LYST: variants seen among roughly 807,000 people sequenced by gnomAD.
The protein encoded by LYST is lysosomal trafficking regulator, also known as lysosomal-trafficking regulator.
Under a neutral mutation model 413.6 loss-of-function variants are expected in LYST, and 192 were observed. The observed-to-expected ratio is 0.46, with a 90% CI of 0.41 to 0.52. The LOEUF is 0.52. Among genes scored for constraint, LYST ranks in the 20% least tolerant of loss-of-function variants. The pLI, the probability that LYST is intolerant of heterozygous loss-of-function variation, is 0.00. For missense variants in LYST, 3,815 were observed against 4,499.9 expected, an observed-to-expected ratio of 0.85 and a Z score of 4.35; for synonymous variants, 1,525 against 1,567.3, an observed-to-expected ratio of 0.97 and a Z score of 0.64.
rs1558194943 is a variant in LYST, at chr1:235,755,641, C to G, written c.7066G>C (p.Asp2356His). 2.5e-6 allele frequency: 4 copies of G among 1,595,410 alleles called. No homozygotes were observed. The highest frequency in any genetic ancestry group is 3.4e-6 in the Non-Finnish European group (4 of 1,163,606). The part of the protein sequence containing the change: ...AIQQGVIKLL[D>H]AYFARASKEQ... ...TTAGATGCTCTAGCAAAATATGCAT[C>G]TAATAGCTAAACAAAAAATTTAAGT... Residue 2356 changes from aspartate to histidine, a missense_variant, in exon 25 of 53, where the codon GAT becomes CAT. Around this residue, in one of 4 missense-constraint regions of LYST, gnomAD observed 771 missense variants for 837.1 expected, o/e 0.92. Transcript: ENST00000389793.
At chr1:235,794,865 A>G (rs2103542224) in intron 10 of LYST, among the ~76,000 whole-genome samples, 1 of 152,268 alleles carries the variant, frequency 6.6e-6, no homozygotes, top group East Asian at 1.9e-4. Flanking sequence ...TTCAAAACTG[A>G]GAGGTTCCAG....
At chr1:235,703,013 T>C (rs1195090121) in intron 44 of LYST, 36 bp from the exon 45 acceptor site, 7 of 1,416,790 alleles carry the variant, frequency 4.9e-6, no homozygotes, top group Non-Finnish European at 6.0e-6. Context: ...AAGACATATG[T>C]AGTAAAAAGA....
chr1:235,715,309 G>C lies in LYST; in HGVS notation c.9676C>G (p.Pro3226Ala), dbSNP rs1462249373. 4 of 1,613,854 alleles carry C rather than the reference G, an allele frequency of 2.5e-6. No homozygotes were observed. The highest frequency in any genetic ancestry group is 3.4e-6 in the Non-Finnish European group (4 of 1,179,908). The change falls in exon 42 of 53, where the codon CCT (proline) becomes GCT (alanine). Residue 3226 changes from proline to alanine, a missense_variant. Transcript: ENST00000389793. ...RKGAREDDPM[P>A]PVQPYHYGSH... is the part of the protein sequence containing the mutation. ...CCATAGTGATAGGGCTGCACGGGAG[G>C]CATGGGGTCATCTTCTCTGGCTCCT...
chr1:235,750,880 G>A lies in LYST; in HGVS notation c.7780+330C>T, dbSNP rs146235631. Among the ~76,000 whole-genome samples the A allele has an allele frequency of 3.7e-4, 56 of 152,268 alleles. 1 individual carries two copies. Among genetic ancestry groups the A allele is most frequent in the South Asian group, 2.5e-3 (12 of 4,826 alleles). Reference sequence around the variant, plus strand: ...CTCAGAGACTTCCCTAACTCCTGATGTAGATTGCCCTGTTATAATCTCTAT... The same window carrying A: ...CTCAGAGACTTCCCTAACTCCTGATATAGATTGCCCTGTTATAATCTCTAT... On this transcript the variant is annotated intron_variant, in intron 28 of 52. Coordinates refer to ENST00000389793, the MANE Select transcript of LYST (RefSeq NM_000081.4).
At chr1:235,828,631 C>T (rs1675594825) in intron 3 of LYST, 1 of 313,752 alleles carries the variant, frequency 3.2e-6, no homozygotes. Flanking sequence ...TGCAGAAGTA[C>T]TGTACATATT....
chr1:235,881,150 A>G (rs1403715995), intron 1 of LYST, among the ~76,000 whole-genome samples: 1 of 152,166 alleles, frequency 6.6e-6, no homozygotes, highest in Non-Finnish European at 1.5e-5. Context: ...TAACTACAAA[A>G]CTTACCAACT....
intron 47 of LYST, among the ~76,000 whole-genome samples, chr1:235,688,828 C>G (rs1184487838): frequency 6.6e-6 from 1 of 151,556 alleles, no homozygotes; most frequent in Admixed American, 6.6e-5. Context: ...ACTAAACATA[C>G]AAAAAAATTA....
intron 39 of LYST, among the ~76,000 whole-genome samples, chr1:235,723,702 C>A (rs1357306248): frequency 1.3e-5 from 2 of 152,202 alleles, no homozygotes; most frequent in Non-Finnish European, 2.9e-5. Context: ...GCATATGCAA[C>A]TTTCCCCAAC....
chr1:235,787,107 A>G (rs1670504800), intron 14 of LYST, 93 bp downstream of exon 14: 1 of 947,112 alleles, frequency 1.1e-6, no homozygotes, highest in Non-Finnish European at 1.7e-6. Context: ...AAAACCTAGA[A>G]GTTTCTGTAT....
intron 43 of LYST, 137 bp from the exon 44 acceptor site, chr1:235,709,445 A>T: frequency 1.4e-6 from 1 of 705,372 alleles, no homozygotes; most frequent in Non-Finnish European, 2.5e-6. Flanking sequence ...GAGGATTTAC[A>T]TTTTGAATAA....
chr1:235,832,537 T>C (rs1676107353), intron 2 of LYST, among the ~76,000 whole-genome samples: 1 of 152,174 alleles, frequency 6.6e-6, no homozygotes, highest in African/African-American at 2.4e-5. Context: ...TTAGTGTATA[T>C]ACATGATTAC....
chr1:235,712,520 C>G, intron 42 of LYST: 2 of 832,902 alleles, frequency 2.4e-6, no homozygotes, highest in South Asian at 9.6e-5. Context: ...TCACCCACAC[C>G]TTGCACATAA....
chr1:235,688,326 A>G (rs999213436), intron 47 of LYST, among the ~76,000 whole-genome samples: 2 of 152,200 alleles, frequency 1.3e-5, no homozygotes, highest in African/African-American at 2.4e-5. Flanking sequence ...CTAAATACGC[A>G]AAAAACAAAC....
chr1:235,871,966 CA>C (rs561797381), intron 1 of LYST, among the ~76,000 whole-genome samples: 93 of 152,244 alleles, frequency 6.1e-4, no homozygotes, highest in Non-Finnish European at 9.9e-4. Context: ...GACAGATTAA[CA>C]GGAAAAAATA....
intron 42 of LYST, chr1:235,712,895 T>C (rs915611901): frequency 1.0e-5 from 10 of 985,132 alleles, no homozygotes; most frequent in Middle Eastern, 1.0e-3. Context: ...TTTCTAGCCA[T>C]AGGGAAAGGC....
At chr1:235,876,100 T>C (rs755387370) in intron 1 of LYST, among the ~76,000 whole-genome samples, 4 of 151,930 alleles carry the variant, frequency 2.6e-5, no homozygotes, top group Admixed American at 6.6e-5. Context: ...GCAGCTCCTA[T>C]AGTCCCAGCT....
intron 36 of LYST, among the ~76,000 whole-genome samples, chr1:235,729,911 T>C (rs963777903): frequency 2.0e-5 from 3 of 152,098 alleles, no homozygotes; most frequent in African/African-American, 7.2e-5. Context: ...AATTAAGTTA[T>C]TTAAAAGAGA....
chr1:235,773,333 A>G (rs1409210115), intron 19 of LYST, among the ~76,000 whole-genome samples: 1 of 152,080 alleles, frequency 6.6e-6, no homozygotes, highest in Non-Finnish European at 1.5e-5. Flanking sequence ...AAAAACAAAA[A>G]CAAAAGCAAA....
At chr1:235,737,945 C>A in intron 31 of LYST, 5 of 1,271,766 alleles carry the variant, frequency 3.9e-6, no homozygotes, top group South Asian at 4.9e-5. Flanking sequence ...CGTGCCCCAA[C>A]ACCCGCCGGA....
Sources: gnomAD v4.1 joint callset for allele counts (sites outside exome capture counted in the v4.1 genomes callset) on GRCh38, gnomAD v4.1.1 for gene constraint, gnomAD v4.1.1 regional missense constraint, MANE v1.5 for transcripts, NCBI Gene and HGNC (gene_info 2026-07-23, HGNC 2026-07-21) for gene names.